The following IQUB variants were observed in gnomAD, a reference collection of about 807,000 sequenced individuals.
IQUB encodes IQ motif and ubiquitin domain containing.
Under a neutral mutation model 86.4 loss-of-function variants are expected in IQUB, and 86 were observed. The observed-to-expected ratio is 1.00, with a 90% CI of 0.84 to 1.19. The LOEUF (loss-of-function observed/expected upper bound fraction) is 1.19. IQUB is among the 50% of genes most tolerant of loss of function. IQUB has a pLI of 0.00. For synonymous variants in IQUB, 289 were observed against 304.5 expected (o/e 0.95, Z 0.53); for missense variants, 946 against 916.9 (o/e 1.03, Z -0.41).
chr7:123,472,714 C>G (rs894345516), intron 8 of IQUB, among the ~76,000 whole-genome samples: 1 of 152,192 alleles, frequency 6.6e-6, no homozygotes, highest in African/African-American at 2.4e-5. Flanking sequence ...TGTTTTTATA[C>G]TTAGATGTAT....
At chr7:123,528,897 T>C (rs1014758556) in intron 1 of IQUB, among the ~76,000 whole-genome samples, 8 of 152,220 alleles carry the variant, frequency 5.3e-5, no homozygotes, top group Non-Finnish European at 1.5e-5. Flanking sequence ...CATATTAATA[T>C]GCTCTACTTG....
At chr7:123,475,373 CTTTTTTT>C (rs35957699) in intron 8 of IQUB, among the ~76,000 whole-genome samples, 10 of 92,924 alleles carry the variant, frequency 1.1e-4, no homozygotes, top group African/African-American at 3.6e-4. Flanking sequence ...CTCCATTTCA[CTTTTTTT>C]TTTTTTTTTT....
intron 11 of IQUB, among the ~76,000 whole-genome samples, chr7:123,461,059 A>T (rs1053472742): frequency 6.6e-6 from 1 of 150,830 alleles, no homozygotes; most frequent in Non-Finnish European, 1.5e-5. Context: ...TACACTAATT[A>T]TTACTGTTAT....
chr7:123,464,533 G>A (rs895457741), intron 10 of IQUB, among the ~76,000 whole-genome samples: 1 of 151,812 alleles, frequency 6.6e-6, no homozygotes, highest in African/African-American at 2.4e-5. Context: ...GGAAACCAAC[G>A]GTATGTACAA....
chr7:123,525,729 C>G (rs1326907317), intron 1 of IQUB, among the ~76,000 whole-genome samples: 1 of 151,860 alleles, frequency 6.6e-6, no homozygotes, highest in Non-Finnish European at 1.5e-5. Flanking sequence ...TTAGTTATTT[C>G]TTGCCTTCTG....
chr7:123,511,908 G>A (rs1554364015), intron 2 of IQUB, 36 bp downstream of exon 2: 1 of 1,445,920 alleles, frequency 6.9e-7, no homozygotes, highest in South Asian at 1.4e-5. Context: ...TCTTCAAAAT[G>A]AGAAAATGAA....
chr7:123,462,916 C>T (rs1794069250), intron 10 of IQUB: 1 of 437,980 alleles, frequency 2.3e-6, no homozygotes, highest in Admixed American at 2.4e-5. Flanking sequence ...GAATTAAACT[C>T]TACAAATTCT....
chr7:123,515,548 G>C (rs1213867791), intron 1 of IQUB, among the ~76,000 whole-genome samples: 1 of 152,140 alleles, frequency 6.6e-6, no homozygotes, highest in Non-Finnish European at 1.5e-5. Flanking sequence ...CTCTACACTT[G>C]TACTCATGTC....
rs144198603 is a variant in IQUB, at chr7:123,457,516, G to T, written c.2058C>A (p.Val686=). 4 of 1,609,860 alleles carry T rather than the reference G, an allele frequency of 2.5e-6. No homozygotes were observed. The highest frequency in any genetic ancestry group is 1.7e-5 in the Admixed American group (1 of 58,990). The part of the protein sequence containing the change: ...LTENIWASQS[V]LSACDNLSDL... ...CACTGAGATTGTCGCAAGCACTGAG[G>T]ACTGACTGGGACGCCCAGATGTTCT... The change falls in exon 12 of 13, where the codon GTC becomes GTA. Residue 686 remains valine, a synonymous_variant. Coordinates refer to ENST00000324698, the MANE Select transcript of IQUB (RefSeq NM_178827.5).
In IQUB at chr7:123,509,979, T is replaced by G. The variant is rs773788004; in HGVS notation, c.454A>C (p.Thr152Pro). 1.2e-6 allele frequency: 2 copies of G among 1,600,508 alleles called. No homozygotes were observed. Among genetic ancestry groups the G allele is most frequent in the Non-Finnish European group, 8.6e-7 (1 of 1,169,336 alleles). ...TGGTCCTTAAGATATTTAAGAATGG[T>G]ATCAACCTTAAAAGGTATTACAATT... is the stretch of plus-strand genomic sequence containing the variant. ...QEIVIPFKVD[T>P]ILKYLKDHFS... The change falls in exon 3 of 13, where the codon ACC becomes CCC. Residue 152 changes from threonine (T) to proline (P), a missense_variant. Transcript: ENST00000324698.
Position 123,512,013 on chromosome 7 carries a change from C to A in IQUB, c.328G>T (p.Ala110Ser). The A allele has an allele frequency of 6.2e-7, 1 of 1,613,044 alleles. No individual in the cohort carries two copies. Residue 110 changes from alanine (A) to serine (S), a missense_variant, in exon 2 of 13, where the codon GCA (alanine) becomes TCA (serine). Ala to Ser is a moderately conservative substitution (Grantham distance 99, BLOSUM62 1). Transcript: ENST00000324698. Reference protein sequence around the residue: ...AMQRPNDDSLAFLDKIKSVKE... With the variant: ...AMQRPNDDSLSFLDKIKSVKE... Reference sequence around the variant, plus strand: ...ACAGACTTTATTTTATCCAGAAATGCCAAACTATCATCATTTGGCCTCTGC... The same window carrying A: ...ACAGACTTTATTTTATCCAGAAATGACAAACTATCATCATTTGGCCTCTGC...
At chr7:123,521,191 T>C (rs766160809) in intron 1 of IQUB, among the ~76,000 whole-genome samples, 11 of 152,188 alleles carry the variant, frequency 7.2e-5, no homozygotes, top group Non-Finnish European at 1.0e-4. Flanking sequence ...GTTCCTTTCA[T>C]AGGTACTGGA....
intron 6 of IQUB, among the ~76,000 whole-genome samples, chr7:123,500,190 G>C (rs1454807012): frequency 1.3e-5 from 2 of 152,136 alleles, no homozygotes; most frequent in East Asian, 3.9e-4. Flanking sequence ...CCATTCTTTT[G>C]TTCCTTTACT....
Position 123,476,839 on chromosome 7 carries a change from G to A in IQUB, c.1410+2956C>T, listed in dbSNP as rs139253288. Reference sequence around the variant, plus strand: ...CAATGGTAGTGGGTTTGGAAAGGAAGAAGTAAAGAATTAAGGAGGTATTAG... The same window carrying A: ...CAATGGTAGTGGGTTTGGAAAGGAAAAAGTAAAGAATTAAGGAGGTATTAG... On this transcript the variant is annotated intron_variant, in intron 8 of 12. Transcript: ENST00000324698. Among the ~76,000 whole-genome samples the A allele has an allele frequency of 1.9e-4, 29 of 152,036 alleles. No individual in the cohort carries two copies. In the East Asian group the frequency reaches 5.6e-3, roughly 29 times the overall value.
chr7:123,461,149 A>T (rs142363308), intron 11 of IQUB, among the ~76,000 whole-genome samples: 30 of 151,908 alleles, frequency 2.0e-4, no homozygotes, highest in African/African-American at 7.0e-4. Context: ...TGAGGGCCTT[A>T]AATAAAAACT....
intron 10 of IQUB, among the ~76,000 whole-genome samples, chr7:123,463,888 C>T (rs1460211063): frequency 6.6e-6 from 1 of 151,652 alleles, no homozygotes; most frequent in African/African-American, 2.4e-5. Flanking sequence ...GTGGCTCAGA[C>T]AAATGAAACA....
chr7:123,520,630 G>A (rs574199365), intron 1 of IQUB, among the ~76,000 whole-genome samples: 1 of 152,178 alleles, frequency 6.6e-6, no homozygotes, highest in African/African-American at 2.4e-5. Flanking sequence ...AGAGCAGTGA[G>A]TTAAGAAAAG....
At chr7:123,517,306 T>G (rs1052006475) in intron 1 of IQUB, among the ~76,000 whole-genome samples, 3 of 150,886 alleles carry the variant, frequency 2.0e-5, no homozygotes, top group African/African-American at 7.3e-5. Context: ...CCGAGGCGGG[T>G]GGATCACGAG....
Position 123,457,561 on chromosome 7 carries a change from T to G in IQUB, c.2013A>C (p.Gln671His), listed in dbSNP as rs1347560697. Residue 671 changes from glutamine (Q) to histidine (H), a missense_variant, in exon 12 of 13, where the codon CAA becomes CAC. Gln to His is a conservative substitution (Grantham distance 24, BLOSUM62 0). Transcript: ENST00000324698. Reference protein sequence around the residue: ...DSKIAFLMQLQDIQYLTENIW... With the variant: ...DSKIAFLMQLHDIQYLTENIW... ...TGTTCTCTGTCAGGTACTGAATGTC[T>G]TGTAGCTGCATGTCAAAGCAAGTTT... is the stretch of plus-strand genomic sequence containing the variant. The G allele has an allele frequency of 3.1e-6, 5 of 1,599,512 alleles. No homozygotes were observed. The highest frequency in any genetic ancestry group is 4.3e-6 in the Non-Finnish European group (5 of 1,175,258).
Sources: gnomAD v4.1 joint callset for allele counts (sites outside exome capture counted in the v4.1 genomes callset) on GRCh38, gnomAD v4.1.1 for gene constraint, MANE v1.5 for transcripts, NCBI Gene and HGNC (gene_info 2026-07-23, HGNC 2026-07-21) for gene names.